Variants in SLC20A2 observed in about 807,000 individuals in gnomAD.
SLC20A2 encodes sodium-dependent phosphate transporter 2.
SLC20A2 carries 30 observed loss-of-function variants against 61.0 expected under a neutral mutation model. That is an observed-to-expected ratio of 0.49 (90% CI 0.37 to 0.67). SLC20A2 has a LOEUF of 0.67. Among genes scored for constraint, SLC20A2 ranks in the 30% least tolerant of loss-of-function variants. The pLI is 0.00. For missense variants in SLC20A2, 626 were observed against 866.4 expected (o/e 0.72, Z 3.48); for synonymous variants, 351 against 353.3 (o/e 0.99, Z 0.07).
intron 2 of SLC20A2, among the ~76,000 whole-genome samples, chr8:42,466,677 T>C (rs1807198999): frequency 1.3e-5 from 2 of 151,602 alleles, no homozygotes; most frequent in East Asian, 2.0e-4. Context: ...TCTTTTCTTT[T>C]TTTCTTTTGT....
At chr8:42,512,332 T>TA (rs1289901862) in intron 1 of SLC20A2, among the ~76,000 whole-genome samples, 115 of 144,124 alleles carry the variant, frequency 8.0e-4, no homozygotes, top group East Asian at 2.4e-3. Context: ...CTTTACGGCT[T>TA]AAAAAAAAAA....
Position 42,453,331 on chromosome 8 carries a change from C to T in SLC20A2, c.613+6565G>A, listed in dbSNP as rs745496098. On this transcript the variant is annotated intron_variant, in intron 5 of 10. Coordinates refer to ENST00000520262, the MANE Select transcript of SLC20A2 (RefSeq NM_001257180.2). The stretch of plus-strand genomic sequence containing the variant: ...TCCTTGCAAGTCATTTTTTTAAGAA[C>T]AAAAATGCAAAGACAATTTTTTAAA... 2.9e-4 allele frequency among the ~76,000 whole-genome samples: 44 copies of T among 152,024 alleles called. 1 individual carries two copies. Among genetic ancestry groups the T allele is most frequent in the Non-Finnish European group, 5.9e-4 (40 of 67,978 alleles).
intron 1 of SLC20A2, among the ~76,000 whole-genome samples, chr8:42,530,254 A>G (rs1672544916): frequency 6.6e-6 from 1 of 152,202 alleles, no homozygotes; most frequent in Non-Finnish European, 1.5e-5. Flanking sequence ...TCACTGTGCC[A>G]TATTTTTTCT....
At position 42,459,925 on chromosome 8, in the gene SLC20A2, A is replaced by G. The variant is rs1172047196; in HGVS notation, c.584T>C (p.Val195Ala). 3 of 1,613,516 alleles carry G rather than the reference A, an allele frequency of 1.9e-6. No homozygotes were observed. Among genetic ancestry groups the G allele is most frequent in the East Asian group, 4.5e-5 (2 of 44,880 alleles). Reference sequence around the variant, plus strand: ...TGCTCCTGTGTACATGATGGAAAAGACATTGATTGCTATGGTAGCAGCATA... The same window carrying G: ...TGCTCCTGTGTACATGATGGAAAAGGCATTGATTGCTATGGTAGCAGCATA... ...VFYAATIAIN[V>A]FSIMYTGAPV... Residue 195 changes from valine to alanine, a missense_variant, in exon 5 of 11, where the codon GTC (valine) becomes GCC (alanine). Val to Ala is a moderately conservative substitution (Grantham distance 64). Around this residue, in one of 3 missense-constraint regions of SLC20A2, gnomAD observed 361 missense variants for 422.3 expected, o/e 0.85. Transcript: ENST00000520262.
intron 10 of SLC20A2, 72 bp from the exon 11 acceptor site, chr8:42,418,039 T>A: frequency 7.7e-7 from 1 of 1,301,502 alleles, no homozygotes; most frequent in Non-Finnish European, 1.1e-6. Flanking sequence ...GTACATGGGC[T>A]AATCTCAGAA....
intron 1 of SLC20A2, among the ~76,000 whole-genome samples, chr8:42,493,658 C>G (rs6988165): frequency 0.38 from 57,291 of 152,008 alleles, 11,170 homozygotes; most frequent in East Asian, 0.43. Context: ...GGCCAAAAAT[C>G]AGATCAGATT....
At chr8:42,475,329 T>C (rs1807986566) in intron 1 of SLC20A2, among the ~76,000 whole-genome samples, 1 of 151,786 alleles carries the variant, frequency 6.6e-6, no homozygotes, top group Non-Finnish European at 1.5e-5. Context: ...CAAACTCCTA[T>C]CCTCAAGTGA....
intron 3 of SLC20A2, among the ~76,000 whole-genome samples, chr8:42,464,810 T>TA (rs1266857031): frequency 6.6e-6 from 1 of 151,656 alleles, no homozygotes; most frequent in Non-Finnish European, 1.5e-5. Flanking sequence ...CTGTCTGTAC[T>TA]AAAATACAAA....
rs566380797 is a variant in SLC20A2, at chr8:42,526,500, C to T, written c.-265+15321G>A. Among the ~76,000 whole-genome samples, 19 of 151,894 alleles carry T rather than the reference C, an allele frequency of 1.3e-4. No individual in the cohort carries two copies. The East Asian group carries it at 3.1e-3, about 25-fold the overall frequency. ...CCTCCTGGCTAACACAGTGAAACCC[C>T]GTCTCTACTAAAAATACAAAAAATT... On this transcript the variant is annotated intron_variant, in intron 1 of 10. Coordinates refer to the SLC20A2 transcript ENST00000342228.
intron 5 of SLC20A2, 81 bp from the exon 6 acceptor site, chr8:42,444,843 C>T (rs1805083282): frequency 2.2e-6 from 2 of 901,526 alleles, no homozygotes; most frequent in East Asian, 2.4e-5. Flanking sequence ...TTCCCACTCC[C>T]CAAATCGAGA....
chr8:42,454,621 AT>A (rs34104662), intron 5 of SLC20A2, among the ~76,000 whole-genome samples: 24,179 of 144,152 alleles, frequency 0.17, 4,330 homozygotes, highest in African/African-American at 0.46. Context: ...CCTTACACAG[AT>A]TTTTTTTTTT....
intron 2 of SLC20A2, chr8:42,471,172 A>G (rs1457798716): frequency 4.4e-6 from 2 of 456,128 alleles, no homozygotes; most frequent in East Asian, 1.4e-4. Context: ...ACCCGTATAC[A>G]TCAGCTGTCT....
intron 1 of SLC20A2, among the ~76,000 whole-genome samples, chr8:42,535,508 G>C (rs2131451819): frequency 6.6e-6 from 1 of 152,068 alleles, no homozygotes; most frequent in South Asian, 2.1e-4. Flanking sequence ...AACTTAAAAG[G>C]GCATCACAGG....
At chr8:42,458,786 G>C (rs1003115321) in intron 5 of SLC20A2, among the ~76,000 whole-genome samples, 16 of 151,848 alleles carry the variant, frequency 1.1e-4, no homozygotes, top group Admixed American at 1.1e-3. Flanking sequence ...GAGGGCGCCT[G>C]TAGTCCCAGC....
intron 3 of SLC20A2, among the ~76,000 whole-genome samples, chr8:42,464,900 G>A (rs772968057): frequency 2.0e-5 from 3 of 151,992 alleles, no homozygotes; most frequent in African/African-American, 4.8e-5. Context: ...GCTTGAACTC[G>A]GGAGGCGGAG....
At chr8:42,420,144 C>T (rs1802946804) in intron 10 of SLC20A2, among the ~76,000 whole-genome samples, 2 of 151,518 alleles carry the variant, frequency 1.3e-5, no homozygotes, top group South Asian at 4.2e-4. Flanking sequence ...CGAGATGGCA[C>T]CACTGCACTC....
chr8:42,532,203 A>G (rs995937180), intron 1 of SLC20A2, among the ~76,000 whole-genome samples: 1 of 152,150 alleles, frequency 6.6e-6, no homozygotes, highest in African/African-American at 2.4e-5. Flanking sequence ...ACCCAATACT[A>G]AAGCTAGTTA....
intron 1 of SLC20A2, among the ~76,000 whole-genome samples, chr8:42,498,031 G>C (rs1033986873): frequency 6.6e-6 from 1 of 152,122 alleles, no homozygotes; most frequent in African/African-American, 2.4e-5. Flanking sequence ...TCCTAAACCA[G>C]TGCAGGGTTA....
chr8:42,456,666 A>G (rs1260885467), intron 5 of SLC20A2, among the ~76,000 whole-genome samples: 1 of 142,106 alleles, frequency 7.0e-6, no homozygotes, highest in Non-Finnish European at 1.5e-5. Flanking sequence ...TGGGAGGCAG[A>G]GGTTGCAGTG....
Sources: gnomAD v4.1 joint callset for allele counts (sites outside exome capture counted in the v4.1 genomes callset) on GRCh38, gnomAD v4.1.1 for gene constraint, gnomAD v4.1.1 regional missense constraint, MANE v1.5 for transcripts, NCBI Gene and HGNC (gene_info 2026-07-23, HGNC 2026-07-21) for gene names.